The following COL22A1 variants were observed in gnomAD, a reference collection of about 807,000 sequenced individuals.
COL22A1 encodes the protein collagen alpha-1(XXII) chain.
COL22A1 carries 221 observed loss-of-function variants against 248.9 expected under a neutral mutation model. The ratio of observed to expected loss-of-function variants is 0.89; its 90% CI spans 0.80 to 0.99. COL22A1 has a LOEUF of 0.99. Among genes scored for constraint, COL22A1 ranks in the 50% least tolerant of loss-of-function variants. The probability of loss-of-function intolerance (pLI) is 0.00; values close to 1 mark genes in which losing one functional copy is unlikely to be tolerated. For synonymous variants in COL22A1, 891 were observed against 793.4 expected (o/e 1.12, Z -2.07); for missense variants, 2,240 against 2,179.0 (o/e 1.03, Z -0.56).
intron 1 of COL22A1, among the ~76,000 whole-genome samples, chr8:138,904,624 C>T (rs1007175075): frequency 1.3e-5 from 2 of 152,168 alleles, no homozygotes; most frequent in South Asian, 2.1e-4. Flanking sequence ...TTCTCTCCCC[C>T]CACCAGTCCC....
chr8:138,829,821 C>T (rs2873681), intron 5 of COL22A1, among the ~76,000 whole-genome samples: 85,002 of 151,892 alleles, frequency 0.56, 24,244 homozygotes, highest in East Asian at 0.67. Flanking sequence ...CTTTGAAATA[C>T]ACACAGACAA....
intron 37 of COL22A1, among the ~76,000 whole-genome samples, chr8:138,686,884 G>T (rs546243086): frequency 6.6e-6 from 1 of 152,282 alleles, no homozygotes; most frequent in South Asian, 2.1e-4. Context: ...TAGGCAGTCT[G>T]AAATGGCATT....
intron 41 of COL22A1, 110 bp from the exon 42 acceptor site, chr8:138,663,850 C>T (rs552996084): frequency 6.3e-6 from 5 of 798,532 alleles, no homozygotes; most frequent in Non-Finnish European, 1.1e-5. Flanking sequence ...GGAGGAGTCA[C>T]TAACTTCCTC....
intron 16 of COL22A1, among the ~76,000 whole-genome samples, chr8:138,774,441 C>T (rs1372291996): frequency 3.6e-5 from 5 of 137,540 alleles, no homozygotes; most frequent in East Asian, 2.1e-4. Context: ...TTTTCTGAGA[C>T]GGAGTCTTGC....
chr8:138,877,040 T>C (rs143125216), intron 3 of COL22A1, among the ~76,000 whole-genome samples: 3,341 of 152,314 alleles, frequency 0.022, 46 homozygotes, highest in Middle Eastern at 0.041. Flanking sequence ...GTCCTCAGAA[T>C]GACCCCCACT....
intron 52 of COL22A1, among the ~76,000 whole-genome samples, chr8:138,621,920 A>G (rs1459407280): frequency 6.6e-6 from 1 of 152,164 alleles, no homozygotes; most frequent in African/African-American, 2.4e-5. Context: ...AGTCCACAGT[A>G]GCTCGTTGAG....
chr8:138,872,819 G>T (rs904831146), intron 3 of COL22A1, among the ~76,000 whole-genome samples: 5 of 152,236 alleles, frequency 3.3e-5, no homozygotes, highest in Admixed American at 6.5e-5. Flanking sequence ...AAGCCACTGG[G>T]GAGGGAGGTC....
At chr8:138,690,918 G>A (rs1260640359) in intron 35 of COL22A1, 44 bp from the exon 36 acceptor site, 3 of 1,519,732 alleles carry the variant, frequency 2.0e-6, no homozygotes, top group African/African-American at 2.8e-5. Flanking sequence ...GCATTGATTA[G>A]AAGTAGTTGC....
chr8:138,737,554 T>A lies in COL22A1; in HGVS notation c.2109A>T (p.Pro703=), dbSNP rs1055970323. The A allele has an allele frequency of 6.2e-7, 1 of 1,611,984 alleles. No individual in the cohort carries two copies. Among genetic ancestry groups the A allele is most frequent in the African/African-American group, 1.3e-5 (1 of 74,852 alleles). Residue 703 remains proline (P), a synonymous_variant, in exon 23 of 65, where the codon CCA becomes CCT. Coordinates refer to ENST00000303045, the MANE Select transcript of COL22A1 (RefSeq NM_152888.3). ...GCCCCAGCAATCCAGGGATTCCAGG[T>A]GGTCCCATGTCACCTTTCTTCCCCT... ...GLRGKKGDMG[P]PGIPGLLGLQ...
At chr8:138,657,356 G>C (rs1363855506) in intron 44 of COL22A1, among the ~76,000 whole-genome samples, 1 of 152,198 alleles carries the variant, frequency 6.6e-6, no homozygotes, top group Non-Finnish European at 1.5e-5. Flanking sequence ...GGGTTCATAT[G>C]GTTCAAATTG....
At chr8:138,769,958 C>T (rs569154488) in intron 16 of COL22A1, among the ~76,000 whole-genome samples, 1 of 152,292 alleles carries the variant, frequency 6.6e-6, no homozygotes, top group East Asian at 1.9e-4. Flanking sequence ...GTGCCAAGCC[C>T]TGCACTTGCT....
intron 1 of COL22A1, among the ~76,000 whole-genome samples, chr8:138,896,994 C>T (rs916031512): frequency 1.7e-4 from 26 of 151,818 alleles, no homozygotes; most frequent in African/African-American, 5.8e-4. Context: ...TCCATTCAGG[C>T]CCCTAAGTCC....
At position 138,807,815 on chromosome 8, in the gene COL22A1, A is replaced by G. The variant is rs1563791005; in HGVS notation, c.1450-3T>C. 5 of 1,613,832 alleles carry G rather than the reference A, an allele frequency of 3.1e-6. No homozygotes were observed. The highest frequency in any genetic ancestry group is 3.4e-6 in the Non-Finnish European group (4 of 1,179,798). On this transcript the variant is annotated splice_region_variant and splice_polypyrimidine_tract_variant and intron_variant, in intron 9 of 64. Transcript: ENST00000303045. The stretch of plus-strand genomic sequence containing the variant: ...GGGCCAGCAACTCCCATTTCACCCT[A>G]AAAGAAGAAAGACAACAAAAAAGTA...
intron 52 of COL22A1, among the ~76,000 whole-genome samples, chr8:138,621,527 C>T (rs1819800550): frequency 6.6e-6 from 1 of 152,186 alleles, no homozygotes; most frequent in African/African-American, 2.4e-5. Context: ...CTCAGTTATT[C>T]TGAACTGTAA....
chr8:138,593,706 A>G (rs1817280273), intron 63 of COL22A1, among the ~76,000 whole-genome samples: 1 of 152,206 alleles, frequency 6.6e-6, no homozygotes, highest in Admixed American at 6.5e-5. Flanking sequence ...CCTCAGTGCT[A>G]AACTCAGTAG....
intron 4 of COL22A1, among the ~76,000 whole-genome samples, chr8:138,840,156 A>G (rs1216680376): frequency 6.6e-6 from 1 of 152,120 alleles, no homozygotes; most frequent in Non-Finnish European, 1.5e-5. Context: ...TGTCCCTATT[A>G]CCCAATGGCA....
At chr8:138,630,561 T>G in intron 50 of COL22A1, 134 bp downstream of exon 50, 1 of 754,562 alleles carries the variant, frequency 1.3e-6, no homozygotes, top group East Asian at 2.5e-5. Flanking sequence ...ATTGCAAGAC[T>G]TGTAGTGAAC....
chr8:138,830,011 T>C (rs1197928028), intron 5 of COL22A1, among the ~76,000 whole-genome samples: 1 of 152,212 alleles, frequency 6.6e-6, no homozygotes, highest in Non-Finnish European at 1.5e-5. Flanking sequence ...TATATATACA[T>C]ACATATGTGT....
At chr8:138,882,764 C>A (rs768437068) in intron 2 of COL22A1, among the ~76,000 whole-genome samples, 10 of 151,878 alleles carry the variant, frequency 6.6e-5, no homozygotes, top group Non-Finnish European at 1.3e-4. Flanking sequence ...CCTCTCACTC[C>A]CTCGCACACT....
Sources: gnomAD v4.1 joint callset for allele counts (sites outside exome capture counted in the v4.1 genomes callset) on GRCh38, gnomAD v4.1.1 for gene constraint, MANE v1.5 for transcripts, NCBI Gene and HGNC (gene_info 2026-07-23, HGNC 2026-07-21) for gene names.